Variants in STK24 observed in about 807,000 individuals in gnomAD.
STK24 encodes serine/threonine-protein kinase 24.
STK24 carries 21 observed loss-of-function variants against 55.6 expected under a neutral mutation model. The observed-to-expected ratio is 0.38, with a 90% CI of 0.27 to 0.54. STK24 has a LOEUF of 0.54. Among genes scored for constraint, STK24 ranks in the 20% least tolerant of loss-of-function variants. The pLI is 0.79. For missense variants in STK24, 383 were observed against 538.4 expected, an observed-to-expected ratio of 0.71 and a Z score of 2.86; for synonymous variants, 200 against 215.2, an observed-to-expected ratio of 0.93 and a Z score of 0.62.
At chr13:98,575,895 A>G in intron 1 of STK24, 1 of 399,378 alleles carries the variant, frequency 2.5e-6, no homozygotes, top group Non-Finnish European at 3.4e-6. Flanking sequence ...AACGAAAACA[A>G]CAACAACAAA....
chr13:98,461,765 C>G lies in STK24; in HGVS notation c.1053+9G>C, dbSNP rs775183866. Reference sequence around the variant, plus strand: ...GTCAGCGTGGCCATTCTGGAGTGAGCAGACGTACCTTATTTCTGTCCAAGT... The same window carrying G: ...GTCAGCGTGGCCATTCTGGAGTGAGGAGACGTACCTTATTTCTGTCCAAGT... On this transcript the variant is annotated intron_variant, in intron 8 of 10. Transcript: ENST00000539966. 1.2e-6 allele frequency: 2 copies of G among 1,613,554 alleles called. No individual in the cohort carries two copies. Among genetic ancestry groups the G allele is most frequent in the African/African-American group, 2.7e-5 (2 of 74,908 alleles).
chr13:98,461,291 G>T (rs1387304779), intron 8 of STK24, among the ~76,000 whole-genome samples: 2 of 152,150 alleles, frequency 1.3e-5, no homozygotes, highest in Non-Finnish European at 2.9e-5. Flanking sequence ...TGCTTTACAA[G>T]ACCCTAAATA....
At chr13:98,457,603 G>C (rs1893522999) in intron 9 of STK24, among the ~76,000 whole-genome samples, 2 of 151,920 alleles carry the variant, frequency 1.3e-5, no homozygotes, top group Non-Finnish European at 2.9e-5. Flanking sequence ...CCGAGTAGCT[G>C]GGATTACAGG....
chr13:98,487,488 C>G (rs192813987), intron 2 of STK24, among the ~76,000 whole-genome samples: 1 of 152,160 alleles, frequency 6.6e-6, no homozygotes, highest in African/African-American at 2.4e-5. Context: ...ACCCTGGGCC[C>G]CCATTACCCA....
chr13:98,488,160 GAC>G (rs71213678), intron 2 of STK24, among the ~76,000 whole-genome samples: 8,281 of 130,266 alleles, frequency 0.064, 276 homozygotes, highest in African/African-American at 0.11. Context: ...AAGAGATGAA[GAC>G]ACACACACAC....
rs553945629 is a variant in STK24, at chr13:98,451,577, C to G, written c.*1596G>C. On this transcript the variant is annotated 3_prime_UTR_variant, in exon 11 of 11. Coordinates refer to ENST00000539966, the MANE Select transcript of STK24 (RefSeq NM_001032296.4). ...ACTCAAGCATCTGTAGCTCAGGGCTCTGTCCCCTCCCTATAGCTTAGAGGC... is the reference window on the plus strand; with the variant it reads ...ACTCAAGCATCTGTAGCTCAGGGCTGTGTCCCCTCCCTATAGCTTAGAGGC... 6.6e-6 allele frequency: 1 copy of G among 152,302 alleles called. No homozygotes were observed. The highest frequency in any genetic ancestry group is 1.9e-4 in the East Asian group (1 of 5,180). The allele number at this position is 152,302 out of a possible 1,614,324, so 9.4% of individuals were successfully genotyped here.
rs548510137 is a variant in STK24 at position 98,503,678 on chromosome 13, A to G, written c.273+15565T>C. Reference sequence around the variant, plus strand: ...ACACTAGGCAGAGCCTTACAAGGGCACTGCTTCCAAGTGTGACTGTGAGCT... The same window carrying G: ...ACACTAGGCAGAGCCTTACAAGGGCGCTGCTTCCAAGTGTGACTGTGAGCT... On this transcript the variant is annotated intron_variant, in intron 2 of 10. Coordinates refer to ENST00000539966, the MANE Select transcript of STK24 (RefSeq NM_001032296.4). Among the ~76,000 whole-genome samples the G allele has an allele frequency of 3.3e-5, 5 of 152,380 alleles. No individual in the cohort carries two copies. In the South Asian group the frequency reaches 1.0e-3, roughly 32 times the overall value.
At chr13:98,464,344 A>G (rs1214633753) in intron 6 of STK24, among the ~76,000 whole-genome samples, 3 of 151,580 alleles carry the variant, frequency 2.0e-5, no homozygotes, top group East Asian at 2.0e-4. Context: ...GCGTGAACCC[A>G]GGAGGCGGAG....
At chr13:98,555,889 A>G (rs1387157543) in intron 1 of STK24, among the ~76,000 whole-genome samples, 3 of 151,702 alleles carry the variant, frequency 2.0e-5, no homozygotes, top group African/African-American at 7.3e-5. Flanking sequence ...TCACCATGTT[A>G]GCCAGGATGG....
rs865836272 is a variant in STK24 at position 98,538,926 on chromosome 13, C to A, written c.43-19453G>T. Among the ~76,000 whole-genome samples the A allele has an allele frequency of 2.0e-5, 3 of 152,226 alleles. No individual in the cohort carries two copies. In the South Asian group the frequency reaches 6.2e-4, roughly 31 times the overall value. On this transcript the variant is annotated intron_variant, in intron 1 of 10. Transcript: ENST00000539966. ...AAGATAATACTTTGTTCTGCCCTCG[C>A]CACCTGTCACAATTTCTGGAAGGCA...
At position 98,446,661 on chromosome 13, in the gene STK24, T is replaced by C. The variant is rs1566329055; in HGVS notation, c.*6512A>G. On this transcript the variant is annotated 3_prime_UTR_variant, in exon 11 of 11. Coordinates refer to ENST00000539966, the MANE Select transcript of STK24 (RefSeq NM_001032296.4). ...AAGCCACTTTGCTTTGTTTCCCCTT[T>C]CCAGGACAATCATCCCCTTGCCAGC... 8 of 1,613,970 alleles carry C rather than the reference T, an allele frequency of 5.0e-6. No individual in the cohort carries two copies. Among genetic ancestry groups the C allele is most frequent in the South Asian group, 4.4e-5 (4 of 91,068 alleles).
intron 2 of STK24, among the ~76,000 whole-genome samples, chr13:98,504,212 AAAC>A (rs1450597445): frequency 2.6e-5 from 4 of 152,144 alleles, no homozygotes; most frequent in Non-Finnish European, 4.4e-5. Flanking sequence ...GACAAAAAAA[AAAC>A]AAACTTTAAA....
At position 98,446,158 on chromosome 13, in the gene STK24, T is replaced by C. The variant is rs1253094636; in HGVS notation, c.*7015A>G. On this transcript the variant is annotated 3_prime_UTR_variant, in exon 11 of 11. Coordinates refer to ENST00000539966, the MANE Select transcript of STK24 (RefSeq NM_001032296.4). ...AAACAGCAACGGGTGGCAGAAGCTG[T>C]GGGTGGTGTTCACAAACTTCTGCCT... The C allele has an allele frequency of 2.5e-6, 4 of 1,613,878 alleles. No homozygotes were observed. The Admixed American group carries it at 6.7e-5, about 27-fold the overall frequency.
chr13:98,519,202 A>C, intron 2 of STK24, 41 bp downstream of exon 2: 2 of 1,544,814 alleles, frequency 1.3e-6, no homozygotes, highest in Non-Finnish European at 1.8e-6. Context: ...CACCTCAGCC[A>C]AGTGCTGCAG....
intron 1 of STK24, among the ~76,000 whole-genome samples, chr13:98,571,703 T>C (rs1897744149): frequency 6.6e-6 from 1 of 152,204 alleles, no homozygotes; most frequent in Non-Finnish European, 1.5e-5. Flanking sequence ...AACTGAGTAC[T>C]TATTACTCTT....
At chr13:98,533,455 T>C (rs554662771) in intron 1 of STK24, among the ~76,000 whole-genome samples, 81 of 152,008 alleles carry the variant, frequency 5.3e-4, no homozygotes, top group African/African-American at 1.9e-3. Flanking sequence ...ATCTACTATC[T>C]ATAAAAAAAT....
chr13:98,502,332 G>A (rs1895503071), intron 2 of STK24, among the ~76,000 whole-genome samples: 1 of 152,188 alleles, frequency 6.6e-6, no homozygotes, highest in South Asian at 2.1e-4. Flanking sequence ...GATGGGGCAG[G>A]AGGAAAAGAC....
chr13:98,573,672 TTCTTTA>T (rs1265653062), intron 1 of STK24, among the ~76,000 whole-genome samples: 1 of 152,236 alleles, frequency 6.6e-6, no homozygotes, highest in Non-Finnish European at 1.5e-5. Flanking sequence ...TATTTCTAAT[TTCTTTA>T]GCCAATCTAA....
chr13:98,461,954 C>G lies in STK24; in HGVS notation c.930-57G>C, dbSNP rs985629103. 1.2e-5 allele frequency: 19 copies of G among 1,600,060 alleles called. No individual in the cohort carries two copies. In the African/African-American group the frequency reaches 2.4e-4, roughly 20 times the overall value. The stretch of plus-strand genomic sequence containing the variant: ...TGCTCGCACACCTGCTCTGGGGGCG[C>G]TGGGACGTTCAGGGGGAGGCCGCCT... On this transcript the variant is annotated intron_variant, in intron 7 of 10. Coordinates refer to ENST00000539966, the MANE Select transcript of STK24 (RefSeq NM_001032296.4).
Sources: gnomAD v4.1 joint callset for allele counts (sites outside exome capture counted in the v4.1 genomes callset) on GRCh38, gnomAD v4.1.1 for gene constraint, MANE v1.5 for transcripts, NCBI Gene and HGNC (gene_info 2026-07-23, HGNC 2026-07-21) for gene names.